Variants in ZDHHC17 observed in about 807,000 individuals in gnomAD.
ZDHHC17 encodes the protein zDHHC palmitoyltransferase 17.
ZDHHC17 carries 40 observed loss-of-function variants against 90.3 expected under a neutral mutation model. The ratio of observed to expected loss-of-function variants is 0.44; its 90% CI spans 0.34 to 0.58. ZDHHC17 has a LOEUF of 0.58. ZDHHC17 is among the 20% of genes least tolerant of loss of function. ZDHHC17 has a pLI of 0.01. For missense variants in ZDHHC17, 614 were observed against 780.8 expected, an observed-to-expected ratio of 0.79 and a Z score of 2.55; for synonymous variants, 235 against 252.4, an observed-to-expected ratio of 0.93 and a Z score of 0.65.
chr12:76,831,338 G>GGTTTT (rs370007185), intron 10 of ZDHHC17, among the ~76,000 whole-genome samples: 12 of 151,840 alleles, frequency 7.9e-5, no homozygotes, highest in South Asian at 6.3e-4. Flanking sequence ...TTTTGTGTTG[G>GGTTTT]GTTTTGTTTT....
chr12:76,809,022 AT>A lies in ZDHHC17; in HGVS notation c.321-19del. 1 of 1,401,564 alleles carries A rather than the reference AT, an allele frequency of 7.1e-7. No homozygotes were observed. The highest frequency in any genetic ancestry group is 9.4e-7 in the Non-Finnish European group (1 of 1,059,388). 86.8% of individuals were successfully genotyped at this position (1,401,564 alleles called of 1,614,324 possible). ...ATTGAAAATGAAAGTTATTTAAATT[AT>A]TATAAATTTTGTCTTATAGATACTA... On this transcript the variant is annotated intron_variant, in intron 3 of 16. Transcript: ENST00000426126.
At chr12:76,826,103 G>A (rs1232682112) in intron 8 of ZDHHC17, among the ~76,000 whole-genome samples, 1 of 152,180 alleles carries the variant, frequency 6.6e-6, no homozygotes, top group Admixed American at 6.5e-5. Flanking sequence ...AAAGGCATGA[G>A]CCACCATGCC....
Position 76,850,835 on chromosome 12 carries a change from T to C in ZDHHC17, c.1761-12T>C. The C allele has an allele frequency of 6.2e-7, 1 of 1,611,312 alleles. No homozygotes were observed. The highest frequency in any genetic ancestry group is 8.5e-7 in the Non-Finnish European group (1 of 1,179,000). Reference sequence around the variant, plus strand: ...TGACTGACGTGTTTTCTTTTTGGGGTGCTGTTTTTAGCCATGGATGTGTAA... The same window carrying C: ...TGACTGACGTGTTTTCTTTTTGGGGCGCTGTTTTTAGCCATGGATGTGTAA... On this transcript the variant is annotated splice_polypyrimidine_tract_variant and intron_variant, in intron 16 of 16. Coordinates refer to ENST00000426126, the MANE Select transcript of ZDHHC17 (RefSeq NM_015336.4).
chr12:76,850,923 T>TGGACCAGGCAGTA lies in ZDHHC17; in HGVS notation c.1838_1850dup (p.Tyr617Ter). 1 of 1,614,006 alleles carries TGGACCAGGCAGTA rather than the reference T, an allele frequency of 6.2e-7. No individual in the cohort carries two copies. Among genetic ancestry groups the TGGACCAGGCAGTA allele is most frequent in the Non-Finnish European group, 8.5e-7 (1 of 1,179,872 alleles). ...CCTCTTTCGTCCTGTTATCGTGGAC[T>TGGACCAGGCAGTA]GGACCAGGCAGTATACAATAGAATA... On this transcript the variant is annotated stop_gained and frameshift_variant, in exon 17 of 17. Coordinates refer to ENST00000426126, the MANE Select transcript of ZDHHC17 (RefSeq NM_015336.4). LOFTEE classifies it high-confidence loss of function.
chr12:76,819,224 A>G (rs138790868), intron 7 of ZDHHC17, among the ~76,000 whole-genome samples: 20 of 152,314 alleles, frequency 1.3e-4, no homozygotes. Context: ...GTTTGGTAAT[A>G]TTTAATTTGA....
At chr12:76,803,148 G>A (rs564536954) in intron 2 of ZDHHC17, among the ~76,000 whole-genome samples, 179 of 152,178 alleles carry the variant, frequency 1.2e-3, no homozygotes, top group African/African-American at 4.0e-3. Flanking sequence ...AGCTACTAGG[G>A]AGGCTGAGGT....
At chr12:76,798,244 T>C (rs1309467879) in intron 2 of ZDHHC17, among the ~76,000 whole-genome samples, 2 of 152,192 alleles carry the variant, frequency 1.3e-5, no homozygotes, top group Admixed American at 6.5e-5. Context: ...AAGGGAAATA[T>C]CACAGTTTTC....
chr12:76,769,042 A>C, intron 1 of ZDHHC17: 1 of 417,932 alleles, frequency 2.4e-6, no homozygotes, highest in South Asian at 1.7e-5. Flanking sequence ...CATAAAATCT[A>C]CTTTTTGAAG....
chr12:76,851,200 AAAT>A lies in ZDHHC17; in HGVS notation c.*219_*221del. The A allele has an allele frequency of 2.0e-6, 1 of 507,956 alleles. No homozygotes were observed. 31.5% of individuals were successfully genotyped at this position (507,956 alleles called of 1,614,324 possible). A position where few individuals can be genotyped will look rare whatever the true frequency, so the allele number is the denominator to read the frequency against. Reference sequence around the variant, plus strand: ...TTCTGGGAAGAGTAAAGATGATAAAAAATAATTTTAATGGTTCTTAATGTGGAA... The same window carrying A: ...TTCTGGGAAGAGTAAAGATGATAAAAAATTTTAATGGTTCTTAATGTGGAA... On this transcript the variant is annotated 3_prime_UTR_variant, in exon 17 of 17. Coordinates refer to ENST00000426126, the MANE Select transcript of ZDHHC17 (RefSeq NM_015336.4).
At chr12:76,837,409 C>T (rs922077031) in intron 10 of ZDHHC17, among the ~76,000 whole-genome samples, 1 of 152,068 alleles carries the variant, frequency 6.6e-6, no homozygotes, top group Non-Finnish European at 1.5e-5. Flanking sequence ...GCAGTAGGAC[C>T]CTTTGAGCCT....
At chr12:76,828,603 G>A (rs1055846457) in intron 10 of ZDHHC17, 113 bp downstream of exon 10, 1 of 851,186 alleles carries the variant, frequency 1.2e-6, no homozygotes, top group Non-Finnish European at 1.8e-6. Context: ...CATTAAAATA[G>A]TGTTCCTAGA....
chr12:76,786,122 C>CTT lies in ZDHHC17; in HGVS notation c.94-11300_94-11299dup, dbSNP rs36021075. Among the ~76,000 whole-genome samples, 949 of 144,746 alleles carry CTT rather than the reference C, an allele frequency of 6.6e-3. 5 individuals are homozygous for CTT. Among genetic ancestry groups the CTT allele is most frequent in the African/African-American group, 0.023 (891 of 39,452 alleles). The allele number at this position is 144,746 out of a possible 152,430, so 95.0% of individuals were successfully genotyped here. The stretch of plus-strand genomic sequence containing the variant: ...TTCTTTTTCTTTCTTTTCTTTCTTT[C>CTT]TTTTTTTTTTTTTAAAGAGATGGGA... On this transcript the variant is annotated intron_variant, in intron 1 of 16. Transcript: ENST00000426126.
At chr12:76,822,828 G>T (rs1406005988) in intron 8 of ZDHHC17, among the ~76,000 whole-genome samples, 1 of 151,908 alleles carries the variant, frequency 6.6e-6, no homozygotes, top group African/African-American at 2.4e-5. Flanking sequence ...GCCTCCCAAA[G>T]TGCTGGGAAT....
At chr12:76,771,234 A>T (rs11115309) in intron 1 of ZDHHC17, among the ~76,000 whole-genome samples, 1 of 152,208 alleles carries the variant, frequency 6.6e-6, no homozygotes, top group Non-Finnish European at 1.5e-5. Flanking sequence ...AAATTTTCTT[A>T]AAGTGGAGCC....
chr12:76,784,287 GAC>G (rs1254352805), intron 1 of ZDHHC17, among the ~76,000 whole-genome samples: 2 of 152,116 alleles, frequency 1.3e-5, no homozygotes, highest in Non-Finnish European at 2.9e-5. Context: ...AGGAGGATAA[GAC>G]ATCAGTTTGA....
chr12:76,849,811 T>C (rs974976531), intron 16 of ZDHHC17: 3 of 165,956 alleles, frequency 1.8e-5, no homozygotes, highest in Non-Finnish European at 3.8e-5. Context: ...CTGTCAATTA[T>C]GGCATACTTC....
intron 1 of ZDHHC17, among the ~76,000 whole-genome samples, chr12:76,767,211 T>A (rs192662659): frequency 6.6e-6 from 1 of 152,146 alleles, no homozygotes; most frequent in African/African-American, 2.4e-5. Flanking sequence ...GGTGACTGAT[T>A]TAAAACTTAT....
intron 10 of ZDHHC17, among the ~76,000 whole-genome samples, chr12:76,838,042 T>C (rs543209620): frequency 4.6e-5 from 7 of 152,144 alleles, no homozygotes; most frequent in Non-Finnish European, 8.8e-5. Context: ...TCTTTATAAA[T>C]TTTTAGTTCA....
chr12:76,838,514 A>G (rs1352706599), intron 10 of ZDHHC17, among the ~76,000 whole-genome samples: 1 of 152,148 alleles, frequency 6.6e-6, no homozygotes, highest in Non-Finnish European at 1.5e-5. Flanking sequence ...CTAAATTTCT[A>G]TTCATTTTTC....
Sources: gnomAD v4.1 joint callset for allele counts (sites outside exome capture counted in the v4.1 genomes callset) on GRCh38, gnomAD v4.1.1 for gene constraint, MANE v1.5 for transcripts, NCBI Gene and HGNC (gene_info 2026-07-23, HGNC 2026-07-21) for gene names.